Variants in PDGFRA observed in about 807,000 individuals in gnomAD.
The protein encoded by PDGFRA is platelet-derived growth factor receptor alpha.
In PDGFRA, 25 loss-of-function variants were observed where a neutral mutation model predicts 121.5. That is an observed-to-expected ratio of 0.21 (90% CI 0.15 to 0.29). PDGFRA has a LOEUF of 0.29. PDGFRA is among the 10% of genes least tolerant of loss of function. PDGFRA has a pLI of 1.00. For synonymous variants in PDGFRA, 463 were observed against 494.8 expected (o/e 0.94, Z 0.85); for missense variants, 1,008 against 1,345.1 (o/e 0.75, Z 3.92).
intron 22 of PDGFRA, among the ~76,000 whole-genome samples, chr4:54,292,111 G>A (rs1350961211): frequency 6.6e-6 from 1 of 152,138 alleles, no homozygotes; most frequent in African/African-American, 2.4e-5. Context: ...ACAGTGTGGC[G>A]ATTCCCCAAA....
At chr4:54,256,527 CGT>C (rs1722382292) in intron 1 of PDGFRA, among the ~76,000 whole-genome samples, 1 of 151,436 alleles carries the variant, frequency 6.6e-6, no homozygotes. Context: ...CATGAACCAC[CGT>C]GCCCAGCCTC....
intron 1 of PDGFRA, among the ~76,000 whole-genome samples, chr4:54,234,615 G>A (rs193063093): frequency 4.8e-4 from 73 of 152,294 alleles, no homozygotes; most frequent in Admixed American, 4.4e-3. Flanking sequence ...TTATTTCGTG[G>A]AAATTTGTGT....
At chr4:54,232,062 C>G (rs2110164703) in intron 1 of PDGFRA, among the ~76,000 whole-genome samples, 1 of 152,372 alleles carries the variant, frequency 6.6e-6, no homozygotes, top group Non-Finnish European at 1.5e-5. Flanking sequence ...GCAGACCCCA[C>G]AGGGAAGTAC....
chr4:54,242,383 T>C (rs1227990928), intron 1 of PDGFRA, among the ~76,000 whole-genome samples: 1 of 152,192 alleles, frequency 6.6e-6, no homozygotes, highest in East Asian at 1.9e-4. Context: ...CCTGTTGGTT[T>C]CACTAGGGAA....
intron 1 of PDGFRA, among the ~76,000 whole-genome samples, chr4:54,252,734 G>A (rs1722129535): frequency 6.6e-6 from 1 of 152,156 alleles, no homozygotes; most frequent in Admixed American, 6.5e-5. Context: ...AATCATGTGA[G>A]GGTGGGGTGA....
At chr4:54,265,993 G>T (rs1214491754) in intron 5 of PDGFRA, among the ~76,000 whole-genome samples, 5 of 152,108 alleles carry the variant, frequency 3.3e-5, no homozygotes, top group Non-Finnish European at 7.3e-5. Context: ...TTGTCCTGGG[G>T]CATCTGATAG....
rs1724839110 is a variant in PDGFRA at position 54,295,439 on chromosome 4, A to G, written c.*167A>G. The G allele has an allele frequency of 3.1e-6, 2 of 641,644 alleles. No homozygotes were observed. Among genetic ancestry groups the G allele is most frequent in the Admixed American group, 5.4e-5 (2 of 37,222 alleles). 39.7% of individuals were successfully genotyped at this position (641,644 alleles called of 1,614,324 possible). A position where few individuals can be genotyped will look rare whatever the true frequency, so the allele number is the denominator to read the frequency against. On this transcript the variant is annotated 3_prime_UTR_variant, in exon 23 of 23. Coordinates refer to ENST00000257290, the MANE Select transcript of PDGFRA (RefSeq NM_006206.6). Reference sequence around the variant, plus strand: ...CGTTCTAAATATGAATGAATGGGATATTTTGAAATGAACTTTGTCAGTGTT... The same window carrying G: ...CGTTCTAAATATGAATGAATGGGATGTTTTGAAATGAACTTTGTCAGTGTT...
intron 1 of PDGFRA, among the ~76,000 whole-genome samples, chr4:54,237,931 G>A (rs1022047424): frequency 6.6e-6 from 1 of 152,164 alleles, no homozygotes; most frequent in Non-Finnish European, 1.5e-5. Flanking sequence ...TGTATCACAC[G>A]ACCTTGTGTT....
chr4:54,248,819 C>G (rs1261236319), intron 1 of PDGFRA, among the ~76,000 whole-genome samples: 4 of 152,136 alleles, frequency 2.6e-5, no homozygotes, highest in Non-Finnish European at 4.4e-5. Context: ...ACCTACTCAT[C>G]TGACAAAGGG....
intron 1 of PDGFRA, among the ~76,000 whole-genome samples, chr4:54,248,152 A>G (rs1400423561): frequency 6.6e-6 from 1 of 152,236 alleles, no homozygotes; most frequent in Non-Finnish European, 1.5e-5. Context: ...AAAGTAATTT[A>G]TAGATTCAAT....
At chr4:54,288,977 C>T (rs775755453) in intron 20 of PDGFRA, 32 bp from the exon 21 acceptor site, 3 of 1,528,390 alleles carry the variant, frequency 2.0e-6, no homozygotes, top group East Asian at 4.5e-5. Context: ...GAGACTTCCC[C>T]CTGTGCCCAC....
intron 1 of PDGFRA, among the ~76,000 whole-genome samples, chr4:54,233,932 G>A (rs1376040424): frequency 6.6e-6 from 1 of 152,250 alleles, no homozygotes; most frequent in Non-Finnish European, 1.5e-5. Context: ...CTGGTTTATG[G>A]GGGCGGCGGT....
chr4:54,238,032 A>T (rs1721107023), intron 1 of PDGFRA, among the ~76,000 whole-genome samples: 1 of 152,218 alleles, frequency 6.6e-6, no homozygotes, highest in Admixed American at 6.5e-5. Context: ...ATCAGCTCTA[A>T]GTAATCACAG....
chr4:54,257,080 C>T (rs112892481), intron 1 of PDGFRA, among the ~76,000 whole-genome samples: 238 of 152,220 alleles, frequency 1.6e-3, no homozygotes, highest in African/African-American at 5.5e-3. Context: ...AGAAGGAAGC[C>T]GAAACCCACC....
At chr4:54,256,080 TC>T (rs1251862625) in intron 1 of PDGFRA, among the ~76,000 whole-genome samples, 1 of 152,010 alleles carries the variant, frequency 6.6e-6, no homozygotes, top group African/African-American at 2.4e-5. Context: ...AGGAATGGTT[TC>T]ATAAAGACCA....
At chr4:54,264,141 T>C (rs181669742) in intron 4 of PDGFRA, 2 of 591,326 alleles carry the variant, frequency 3.4e-6, no homozygotes, top group South Asian at 2.2e-5. Context: ...CAAGATTTCA[T>C]GTTTCATCAG....
rs1251945541 is a variant in PDGFRA at position 54,261,515 on chromosome 4, C to A, written c.367+103C>A. The A allele has an allele frequency of 1.6e-5, 11 of 692,734 alleles. No individual in the cohort carries two copies. The East Asian group carries it at 2.8e-4, about 18-fold the overall frequency. 42.9% of individuals were successfully genotyped at this position (692,734 alleles called of 1,614,324 possible). ...ATATATAAATAATTAATATTTATTG[C>A]GGGAAGTTTGAAAAATGTAAGCGAA... On this transcript the variant is annotated intron_variant, in intron 3 of 22. Coordinates refer to ENST00000257290, the MANE Select transcript of PDGFRA (RefSeq NM_006206.6).
intron 1 of PDGFRA, among the ~76,000 whole-genome samples, chr4:54,257,342 A>C (rs761411866): frequency 1.3e-5 from 2 of 152,224 alleles, no homozygotes; most frequent in Non-Finnish European, 2.9e-5. Flanking sequence ...AATAACCATA[A>C]GTATACTCAG....
At chr4:54,279,914 A>G (rs1723976470) in intron 15 of PDGFRA, among the ~76,000 whole-genome samples, 1 of 151,808 alleles carries the variant, frequency 6.6e-6, no homozygotes, top group Non-Finnish European at 1.5e-5. Context: ...ACATATATAT[A>G]TATATATATG....
Sources: gnomAD v4.1 joint callset for allele counts (sites outside exome capture counted in the v4.1 genomes callset) on GRCh38, gnomAD v4.1.1 for gene constraint, MANE v1.5 for transcripts, NCBI Gene and HGNC (gene_info 2026-07-23, HGNC 2026-07-21) for gene names.